Variants in CMIP observed in about 807,000 individuals in gnomAD.
CMIP encodes the protein C-Maf-inducing protein.
Under a neutral mutation model 97.3 loss-of-function variants are expected in CMIP, and 13 were observed. The ratio of observed to expected loss-of-function variants is 0.13; its 90% CI spans 0.09 to 0.21. The LOEUF (loss-of-function observed/expected upper bound fraction) is 0.21. Ranked by LOEUF, CMIP falls within the 10% of genes least tolerant of loss-of-function variation. The probability of loss-of-function intolerance (pLI) is 1.00; values close to 1 mark genes in which losing one functional copy is unlikely to be tolerated. For synonymous variants in CMIP, 538 were observed against 436.3 expected (o/e 1.23, Z -2.91); for missense variants, 847 against 1,024.9 (o/e 0.83, Z 2.37).
chr16:81,657,131 T>G (rs539444827), intron 4 of CMIP, among the ~76,000 whole-genome samples: 62 of 152,252 alleles, frequency 4.1e-4, no homozygotes, highest in Non-Finnish European at 6.5e-4. Flanking sequence ...AGTTACCAAT[T>G]ATTTAAGAAA....
intron 13 of CMIP, 61 bp downstream of exon 13, chr16:81,693,548 C>T (rs759370995): frequency 1.1e-5 from 17 of 1,548,444 alleles, no homozygotes; most frequent in Non-Finnish European, 1.5e-5. Flanking sequence ...TGCACGAGGG[C>T]CCCTTAGAGG....
chr16:81,527,440 TTTC>T (rs1386163079), intron 1 of CMIP, among the ~76,000 whole-genome samples: 39 of 152,284 alleles, frequency 2.6e-4, no homozygotes, highest in Non-Finnish European at 4.7e-4. Context: ...CATCCATTCT[TTTC>T]TTCTTCTTTC....
intron 3 of CMIP, among the ~76,000 whole-genome samples, chr16:81,650,972 G>C (rs570072224): frequency 6.6e-6 from 1 of 152,246 alleles, no homozygotes; most frequent in South Asian, 2.1e-4. Context: ...GATAGCGGTG[G>C]GTCCCTTGAC....
rs1430459474 is a variant in CMIP at position 81,445,214 on chromosome 16, G to T, written c.-28G>T. On this transcript the variant is annotated 5_prime_UTR_variant, in exon 1 of 21. Coordinates refer to ENST00000537098, the MANE Select transcript of CMIP (RefSeq NM_198390.3). ...CAGCCCAGGACAGCCCCCTCTCCCC[G>T]CCCCCAGCCCCCTCCCCCGGCGCGG... 5 of 636,374 alleles carry T rather than the reference G, an allele frequency of 7.9e-6. No homozygotes were observed. The highest frequency in any genetic ancestry group is 2.0e-5 in the African/African-American group (1 of 49,712). The allele number at this position is 636,374 out of a possible 1,614,324, so 39.4% of individuals were successfully genotyped here.
chr16:81,619,922 C>A, intron 2 of CMIP: 1 of 152,114 alleles, frequency 6.6e-6, no homozygotes. Context: ...GTTAGCAGAC[C>A]GAGAAAGGAG....
chr16:81,615,511 G>T (rs1449609845), intron 2 of CMIP, among the ~76,000 whole-genome samples: 2 of 147,142 alleles, frequency 1.4e-5, no homozygotes, highest in East Asian at 2.0e-4. Context: ...GTGTGTCTGT[G>T]TGCAGGTGTA....
intron 9 of CMIP, among the ~76,000 whole-genome samples, chr16:81,676,688 C>T (rs1378900094): frequency 6.6e-6 from 1 of 152,206 alleles, no homozygotes; most frequent in Non-Finnish European, 1.5e-5. Flanking sequence ...ATTAAACACC[C>T]TTGGTGGGCT....
chr16:81,696,925 G>A (rs749608933), intron 14 of CMIP: 9 of 542,274 alleles, frequency 1.7e-5, no homozygotes, highest in Admixed American at 3.5e-5. Flanking sequence ...GTGAGAAGAC[G>A]ACACATGTCA....
chr16:81,676,205 C>T (rs990765258), intron 9 of CMIP, among the ~76,000 whole-genome samples: 4 of 152,256 alleles, frequency 2.6e-5, no homozygotes, highest in Non-Finnish European at 2.9e-5. Flanking sequence ...TGAGCCCCCT[C>T]GGAGCCCACA....
At chr16:81,628,173 CT>C (rs930837133) in intron 3 of CMIP, among the ~76,000 whole-genome samples, 1 of 152,146 alleles carries the variant, frequency 6.6e-6, no homozygotes, top group African/African-American at 2.4e-5. Flanking sequence ...GCTGTCACCC[CT>C]GGCTCTGACC....
At chr16:81,560,223 G>GT (rs758040541) in intron 1 of CMIP, among the ~76,000 whole-genome samples, 211 of 108,480 alleles carry the variant, frequency 1.9e-3, no homozygotes, top group African/African-American at 5.0e-3. Flanking sequence ...GTTTTGTTTT[G>GT]TTTTTTTTTT....
chr16:81,495,929 G>A (rs2089481752), intron 1 of CMIP, among the ~76,000 whole-genome samples: 1 of 152,074 alleles, frequency 6.6e-6, no homozygotes, highest in African/African-American at 2.4e-5. Context: ...ATAATCCCCA[G>A]CTCCCCCAGC....
chr16:81,688,964 A>C (rs534692653), intron 10 of CMIP, among the ~76,000 whole-genome samples: 10 of 152,338 alleles, frequency 6.6e-5, no homozygotes, highest in African/African-American at 2.4e-4. Context: ...AGCTTCATCC[A>C]TGTCCCTACA....
chr16:81,580,642 G>C (rs1008336276), intron 1 of CMIP, among the ~76,000 whole-genome samples: 2 of 151,954 alleles, frequency 1.3e-5, no homozygotes, highest in African/African-American at 2.4e-5. Flanking sequence ...TGCCATGTTG[G>C]CCAGGCTGGT....
At chr16:81,542,945 C>T (rs1401227580) in intron 1 of CMIP, among the ~76,000 whole-genome samples, 1 of 152,240 alleles carries the variant, frequency 6.6e-6, no homozygotes, top group African/African-American at 2.4e-5. Context: ...TACATTGCAG[C>T]AGTATGTAGC....
intron 1 of CMIP, chr16:81,519,237 T>A (rs2089974460): frequency 2.0e-5 from 3 of 152,246 alleles, no homozygotes; most frequent in Admixed American, 6.5e-5. Flanking sequence ...AGGTTGAGGC[T>A]ACAGTGAGCT....
intron 1 of CMIP, among the ~76,000 whole-genome samples, chr16:81,515,836 T>C (rs1032311279): frequency 4.6e-5 from 7 of 152,096 alleles, no homozygotes; most frequent in Non-Finnish European, 1.0e-4. Flanking sequence ...GAGGAGCTGC[T>C]AGGAGGTTGG....
intron 1 of CMIP, among the ~76,000 whole-genome samples, chr16:81,463,265 C>T (rs543362613): frequency 3.9e-5 from 6 of 152,244 alleles, no homozygotes; most frequent in Admixed American, 6.5e-5. Flanking sequence ...GGTTGGCTGG[C>T]CCCGATCTTT....
rs186824541 is a variant in CMIP, at chr16:81,701,376, C to T, written c.1756-284C>T. 6.4e-3 allele frequency among the ~76,000 whole-genome samples: 969 copies of T among 152,248 alleles called. 3 individuals are homozygous for T. Among genetic ancestry groups the T allele is most frequent in the Middle Eastern group, 0.027 (8 of 294 alleles). ...TGCTCAGGGGCCTGCAAACATCCCC[C>T]GGGGGCCTGCCCCATGTCCAGACAC... On this transcript the variant is annotated intron_variant, in intron 15 of 20. Coordinates refer to ENST00000537098, the MANE Select transcript of CMIP (RefSeq NM_198390.3).
Sources: allele counts gnomAD v4.1 joint callset (sites outside exome capture counted in the v4.1 genomes callset), GRCh38; gene constraint gnomAD v4.1.1; transcripts MANE v1.5; gene names NCBI Gene and HGNC (gene_info 2026-07-23, HGNC 2026-07-21).